Variants in PRKCH observed in about 807,000 individuals in gnomAD.
The protein encoded by PRKCH is protein kinase C eta type.
Under a neutral mutation model 82.5 loss-of-function variants are expected in PRKCH, and 28 were observed. That is an observed-to-expected ratio of 0.34 (90% CI 0.25 to 0.47). The LOEUF (loss-of-function observed/expected upper bound fraction) is 0.47. Among genes scored for constraint, PRKCH ranks in the 20% least tolerant of loss-of-function variants. The pLI is 1.00. For synonymous variants in PRKCH, 322 were observed against 327.4 expected (o/e 0.98, Z 0.18); for missense variants, 705 against 881.8 (o/e 0.80, Z 2.54).
intron 12 of PRKCH, among the ~76,000 whole-genome samples, chr14:61,547,211 A>G (rs1314931851): frequency 6.6e-6 from 1 of 152,118 alleles, no homozygotes; most frequent in Non-Finnish European, 1.5e-5. Context: ...TTCTAGAGCC[A>G]GGACACAGAC....
intron 12 of PRKCH, among the ~76,000 whole-genome samples, chr14:61,542,014 G>A (rs1425909044): frequency 6.6e-6 from 1 of 152,224 alleles, no homozygotes; most frequent in Non-Finnish European, 1.5e-5. Context: ...TGTAGGCCGG[G>A]CGTGGTGGCT....
intron 2 of PRKCH, among the ~76,000 whole-genome samples, chr14:61,401,987 A>G (rs949196828): frequency 3.3e-5 from 5 of 152,268 alleles, no homozygotes; most frequent in African/African-American, 1.2e-4. Context: ...AACTGTAAGT[A>G]TTTGGTGCCA....
intron 3 of PRKCH, among the ~76,000 whole-genome samples, chr14:61,445,462 A>G (rs982788257): frequency 6.6e-6 from 1 of 152,210 alleles, no homozygotes; most frequent in Admixed American, 6.5e-5. Flanking sequence ...TGGAATGGGA[A>G]TGGTTTTTAC....
At chr14:61,414,517 C>T (rs1454049397) in intron 2 of PRKCH, among the ~76,000 whole-genome samples, 4 of 151,876 alleles carry the variant, frequency 2.6e-5, no homozygotes, top group African/African-American at 9.7e-5. Flanking sequence ...AAGTGATCTG[C>T]CTGCCTCAGT....
intron 1 of PRKCH, among the ~76,000 whole-genome samples, chr14:61,250,616 C>T (rs144379888): frequency 6.6e-6 from 1 of 152,100 alleles, no homozygotes. Context: ...GTGGAGAACA[C>T]AGGATTTTTA....
chr14:61,413,622 C>T (rs1386671344), intron 2 of PRKCH, among the ~76,000 whole-genome samples: 2 of 152,006 alleles, frequency 1.3e-5, no homozygotes, highest in Non-Finnish European at 2.9e-5. Context: ...CTTTGCTTCC[C>T]TTTCTTTAAC....
At position 61,384,979 on chromosome 14, in the gene PRKCH, T is replaced by C. The variant is rs552036134; in HGVS notation, c.364-6246T>C. ...TTGTTCTAGCACCATTTGTTGACAC[T>C]GAGTTTTTATACTTTTGTTCATTTG... On this transcript the variant is annotated intron_variant, in intron 1 of 13. Transcript: ENST00000332981. Among the ~76,000 whole-genome samples the C allele has an allele frequency of 3.9e-5, 6 of 152,196 alleles. No individual in the cohort carries two copies. In the East Asian group the frequency reaches 1.2e-3, roughly 29 times the overall value.
chr14:61,236,597 A>T (rs892313162), intron 1 of PRKCH, among the ~76,000 whole-genome samples: 26 of 150,598 alleles, frequency 1.7e-4, no homozygotes, highest in African/African-American at 6.3e-4. Flanking sequence ...AATCCCAGCT[A>T]CTTGGGAGGC....
intron 1 of PRKCH, among the ~76,000 whole-genome samples, chr14:61,312,772 G>A (rs535465853): frequency 3.3e-5 from 5 of 151,922 alleles, no homozygotes; most frequent in Non-Finnish European, 7.4e-5. Flanking sequence ...CCCATGATTC[G>A]ATTACCTCCC....
chr14:61,508,185 T>G (rs769494151), intron 10 of PRKCH, among the ~76,000 whole-genome samples: 2 of 152,156 alleles, frequency 1.3e-5, no homozygotes, highest in African/African-American at 4.8e-5. Context: ...TGATAAAAGC[T>G]ACTGTATTTC....
chr14:61,468,057 C>G (rs1337154687), intron 9 of PRKCH, among the ~76,000 whole-genome samples: 1 of 152,154 alleles, frequency 6.6e-6, no homozygotes, highest in Non-Finnish European at 1.5e-5. Flanking sequence ...TTTTGAGTCT[C>G]TAATATGTAC....
At chr14:61,453,659 T>C (rs1402645647) in intron 7 of PRKCH, among the ~76,000 whole-genome samples, 1 of 148,928 alleles carries the variant, frequency 6.7e-6, no homozygotes, top group Non-Finnish European at 1.5e-5. Context: ...CTTCCCTGTC[T>C]TCATTCCTTT....
chr14:61,390,778 A>G (rs2046666799), intron 1 of PRKCH: 1 of 155,788 alleles, frequency 6.4e-6, no homozygotes, highest in African/African-American at 2.4e-5. Flanking sequence ...GACTCTTTAT[A>G]CTTTTTACTC....
chr14:61,389,537 A>G (rs1479076347), intron 1 of PRKCH, among the ~76,000 whole-genome samples: 1 of 151,550 alleles, frequency 6.6e-6, no homozygotes, highest in Non-Finnish European at 1.5e-5. Context: ...ATACATACAT[A>G]CCTAGATAAG....
intron 2 of PRKCH, among the ~76,000 whole-genome samples, chr14:61,401,907 G>A (rs7140969): frequency 1 from 151,889 of 152,380 alleles, 75,704 homozygotes; most frequent in Middle Eastern, 1. Flanking sequence ...AAACCATACT[G>A]TGGAACTGGC....
At chr14:61,474,350 C>G (rs890553742) in intron 9 of PRKCH, among the ~76,000 whole-genome samples, 2 of 152,278 alleles carry the variant, frequency 1.3e-5, no homozygotes. Context: ...GATGACTGTT[C>G]CCCTTCCTGT....
chr14:61,392,229 C>G (rs533228109), intron 2 of PRKCH, among the ~76,000 whole-genome samples: 62 of 152,140 alleles, frequency 4.1e-4, no homozygotes, highest in East Asian at 2.5e-3. Flanking sequence ...CCTTCTTACA[C>G]ATAAATTTTT....
chr14:61,430,913 C>T (rs1347131850), intron 2 of PRKCH, among the ~76,000 whole-genome samples: 2 of 152,178 alleles, frequency 1.3e-5, no homozygotes, highest in African/African-American at 4.8e-5. Context: ...TGCCACCACG[C>T]CTGGCTAATT....
At chr14:61,530,677 C>G (rs962522619) in intron 12 of PRKCH, 82 bp downstream of exon 12, 1 of 1,279,750 alleles carries the variant, frequency 7.8e-7, no homozygotes, top group Non-Finnish European at 1.1e-6. Context: ...TTCAGTACTT[C>G]CCACCAGTAA....
Sources: gnomAD v4.1 joint callset for allele counts (sites outside exome capture counted in the v4.1 genomes callset) on GRCh38, gnomAD v4.1.1 for gene constraint, MANE v1.5 for transcripts, NCBI Gene and HGNC (gene_info 2026-07-23, HGNC 2026-07-21) for gene names.